Variants in AGMO observed in about 807,000 individuals in gnomAD.
AGMO encodes the protein alkylglycerol monooxygenase.
AGMO carries 75 observed loss-of-function variants against 60.2 expected under a neutral mutation model. The observed-to-expected ratio is 1.25, with a 90% CI of 1.03 to 1.51. The LOEUF is 1.51. Among genes scored for constraint, AGMO ranks in the 40% most tolerant of loss-of-function variants. The pLI, the probability that AGMO is intolerant of heterozygous loss-of-function variation, is 0.00. For missense variants in AGMO, 763 were observed against 525.5 expected (o/e 1.45, Z -4.42); for synonymous variants, 261 against 177.1 (o/e 1.47, Z -3.76).
chr7:15,450,377 G>A (rs1399064827), intron 3 of AGMO, among the ~76,000 whole-genome samples: 13 of 148,744 alleles, frequency 8.7e-5, no homozygotes, highest in African/African-American at 2.7e-4. Flanking sequence ...CCAAGATCAC[G>A]CCACTGCACT....
chr7:15,536,659 G>C (rs1475603049), intron 3 of AGMO, among the ~76,000 whole-genome samples: 2 of 151,762 alleles, frequency 1.3e-5, no homozygotes, highest in Non-Finnish European at 2.9e-5. Flanking sequence ...AAGATAAGTG[G>C]TCTCAAATAT....
At chr7:15,545,346 A>G (rs1784749930) in intron 2 of AGMO, among the ~76,000 whole-genome samples, 2 of 152,170 alleles carry the variant, frequency 1.3e-5, no homozygotes, top group South Asian at 2.1e-4. Flanking sequence ...ATACATGCCC[A>G]TATTTTAAAG....
At chr7:15,390,091 A>T (rs913627562) in intron 8 of AGMO, among the ~76,000 whole-genome samples, 4 of 152,084 alleles carry the variant, frequency 2.6e-5, no homozygotes, top group Non-Finnish European at 5.9e-5. Context: ...ACTCTGACGG[A>T]TCAGAGCTTC....
the AGMO span, among the ~76,000 whole-genome samples, chr7:15,184,039 C>T: frequency 6.6e-6 from 1 of 152,092 alleles, no homozygotes; most frequent in African/African-American, 2.4e-5. Flanking sequence ...CCTGGGAAAG[C>T]ACCCTTTTAT....
At chr7:15,412,765 A>T (rs1464049084) in intron 5 of AGMO, among the ~76,000 whole-genome samples, 1 of 151,970 alleles carries the variant, frequency 6.6e-6, no homozygotes, top group Non-Finnish European at 1.5e-5. Flanking sequence ...CCCTAAGGCT[A>T]AAGGCGGTGC....
chr7:15,397,820 A>G (rs1562487262), intron 5 of AGMO, among the ~76,000 whole-genome samples: 1 of 152,244 alleles, frequency 6.6e-6, no homozygotes, highest in East Asian at 1.9e-4. Context: ...TAGCTCTTAT[A>G]AAAGAATACA....
chr7:15,356,866 G>C (rs1434711231), intron 12 of AGMO, among the ~76,000 whole-genome samples: 2 of 151,456 alleles, frequency 1.3e-5, no homozygotes, highest in East Asian at 3.9e-4. Flanking sequence ...CCAGCACTTT[G>C]GGAGGCCGAG....
intron 5 of AGMO, among the ~76,000 whole-genome samples, chr7:15,414,925 G>C (rs1302094855): frequency 6.6e-6 from 1 of 152,026 alleles, no homozygotes; most frequent in Non-Finnish European, 1.5e-5. Flanking sequence ...TGGGGCTATA[G>C]TGGTTATGTA....
chr7:15,354,413 TGTGTGTATACACACACGTGTGTGTATAC>T (rs1782406145), intron 12 of AGMO, among the ~76,000 whole-genome samples: 2 of 27,528 alleles, frequency 7.3e-5, no homozygotes, highest in African/African-American at 9.8e-4. Flanking sequence ...TGTACACACG[TGTGTGTATACACACACGTGTGTGTATAC>T]ACACGTGTGT....
chr7:15,239,231 G>C (rs899035150), intron 12 of AGMO, among the ~76,000 whole-genome samples: 1 of 152,098 alleles, frequency 6.6e-6, no homozygotes, highest in Non-Finnish European at 1.5e-5. Flanking sequence ...TAGTGACTTG[G>C]CTAGGATCAG....
the AGMO span, among the ~76,000 whole-genome samples, chr7:15,153,878 T>TGGTGGTATTTTGAC: frequency 2.0e-4 from 31 of 152,242 alleles, no homozygotes; most frequent in African/African-American, 7.2e-4. Context: ...TGAAGAATAA[T>TGGTGGTATTTTGAC]GGTGGTATTT....
rs1783152036 is a variant in AGMO, at chr7:15,258,035, T to G, written c.1264-56676A>C. ...GAATAATAAACTAAAAACACATGAT[T>G]CTCCATTCTTCATTAGAGCGATAAC... is the stretch of plus-strand genomic sequence containing the variant. On this transcript the variant is annotated intron_variant, in intron 12 of 12. Transcript: ENST00000342526. Among the ~76,000 whole-genome samples, 5 of 152,238 alleles carry G rather than the reference T, an allele frequency of 3.3e-5. No homozygotes were observed. The South Asian group carries it at 1.0e-3, about 32-fold the overall frequency.
intron 10 of AGMO, among the ~76,000 whole-genome samples, chr7:15,372,717 G>A (rs941963261): frequency 6.6e-6 from 1 of 151,994 alleles, no homozygotes; most frequent in Non-Finnish European, 1.5e-5. Context: ...ATCACACGTA[G>A]CTTATTAGTT....
chr7:15,130,710 G>T, the AGMO span, among the ~76,000 whole-genome samples: 12 of 151,666 alleles, frequency 7.9e-5, no homozygotes, highest in Admixed American at 1.3e-4. Flanking sequence ...AATATTTTGT[G>T]TTTGTTAAAA....
At chr7:15,438,010 GA>G (rs778858353) in intron 3 of AGMO, among the ~76,000 whole-genome samples, 20 of 151,920 alleles carry the variant, frequency 1.3e-4, no homozygotes, top group Non-Finnish European at 2.6e-4. Flanking sequence ...TGTTCAGATG[GA>G]AGCTTTTAAG....
intron 12 of AGMO, among the ~76,000 whole-genome samples, chr7:15,233,138 G>A (rs999149561): frequency 6.6e-6 from 1 of 152,144 alleles, no homozygotes; most frequent in Non-Finnish European, 1.5e-5. Context: ...ATAAATTGGA[G>A]ACACCAGGGA....
the AGMO span, among the ~76,000 whole-genome samples, chr7:15,144,117 A>T: frequency 1.3e-5 from 2 of 152,214 alleles, no homozygotes; most frequent in African/African-American, 4.8e-5. Flanking sequence ...CATATTTACA[A>T]ATATTTGTCT....
Position 15,560,155 on chromosome 7 carries a change from C to A in AGMO, c.243G>T (p.Leu81=). ...ATCTAACTCACCTTGGAAGTCGAGA[C>A]AGAACACCAGCTGAGATTGACGTTA... ...DALTSISAGV[L]SRLPSLFFRS... The change falls in exon 2 of 13, where the codon CTG becomes CTT. Residue 81 remains leucine (L), a synonymous_variant. Transcript: ENST00000342526. 6 of 1,610,296 alleles carry A rather than the reference C, an allele frequency of 3.7e-6. No individual in the cohort carries two copies. The highest frequency in any genetic ancestry group is 5.1e-6 in the Non-Finnish European group (6 of 1,177,526).
At chr7:15,420,548 A>G (rs933615242) in intron 4 of AGMO, among the ~76,000 whole-genome samples, 1 of 152,164 alleles carries the variant, frequency 6.6e-6, no homozygotes, top group South Asian at 2.1e-4. Context: ...CTAGAAAAAG[A>G]ATCTAATGAC....
Sources: gnomAD v4.1 joint callset for allele counts (sites outside exome capture counted in the v4.1 genomes callset) on GRCh38, gnomAD v4.1.1 for gene constraint, MANE v1.5 for transcripts, NCBI Gene and HGNC (gene_info 2026-07-23, HGNC 2026-07-21) for gene names.